Variants in CACNA1E observed in about 807,000 individuals in gnomAD.
CACNA1E encodes the protein voltage-dependent R-type calcium channel subunit alpha-1E.
CACNA1E carries 40 observed loss-of-function variants against 259.2 expected under a neutral mutation model. The ratio of observed to expected loss-of-function variants is 0.15; its 90% CI spans 0.12 to 0.20. The LOEUF is 0.20. Among genes scored for constraint, CACNA1E ranks in the 10% least tolerant of loss-of-function variants. CACNA1E has a pLI of 1.00. For synonymous variants in CACNA1E, 1,104 were observed against 1,138.5 expected (o/e 0.97, Z 0.61); for missense variants, 1,874 against 3,040.1 (o/e 0.62, Z 9.02).
chr1:181,326,108 C>T (rs564969360), intron 1 of CACNA1E, among the ~76,000 whole-genome samples: 19 of 152,322 alleles, frequency 1.2e-4, no homozygotes, highest in South Asian at 6.2e-4. Flanking sequence ...GCCTCATTTC[C>T]GATTTTTTCA....
At chr1:181,772,889 G>A (rs998736503) in intron 37 of CACNA1E, among the ~76,000 whole-genome samples, 1 of 152,110 alleles carries the variant, frequency 6.6e-6, no homozygotes, top group Non-Finnish European at 1.5e-5. Context: ...GAAGCCCTAC[G>A]TGCCTCTGAA....
At chr1:181,534,623 C>G (rs1347341459) in intron 3 of CACNA1E, among the ~76,000 whole-genome samples, 1 of 151,588 alleles carries the variant, frequency 6.6e-6, no homozygotes, top group African/African-American at 2.4e-5. Flanking sequence ...TCCATGTAAC[C>G]AAAACTACCT....
In CACNA1E at chr1:181,793,857, AATATCTG is replaced by A. The variant is rs145373133; in HGVS notation, c.6027+69_6027+75del. 1.6e-3 allele frequency: 2,389 copies of A among 1,528,618 alleles called. 42 individuals carry two copies. The East Asian group carries it at 0.034, about 22-fold the overall frequency. 94.7% of individuals were successfully genotyped at this position (1,528,618 alleles called of 1,614,324 possible). The stretch of plus-strand genomic sequence containing the variant: ...GGCTGTATTAGCTGGGTTATGGAAT[AATATCTG>A]ATATTTGCAGGTGAGCCGTTGACTT... On this transcript the variant is annotated intron_variant, in intron 45 of 47. Coordinates refer to ENST00000367573, the MANE Select transcript of CACNA1E (RefSeq NM_001205293.3).
At chr1:181,593,243 A>T (rs1225918550) in intron 6 of CACNA1E, among the ~76,000 whole-genome samples, 1 of 152,172 alleles carries the variant, frequency 6.6e-6, no homozygotes, top group Non-Finnish European at 1.5e-5. Flanking sequence ...CTAAGTTAGC[A>T]GTTTTTTTGT....
intron 6 of CACNA1E, among the ~76,000 whole-genome samples, chr1:181,632,669 G>T (rs1656856286): frequency 6.6e-6 from 1 of 152,106 alleles, no homozygotes; most frequent in Non-Finnish European, 1.5e-5. Flanking sequence ...GTTCCTTATT[G>T]CTGAGCCTCT....
intron 3 of CACNA1E, among the ~76,000 whole-genome samples, chr1:181,570,534 A>G (rs1393385429): frequency 5.3e-5 from 8 of 152,210 alleles, no homozygotes; most frequent in Non-Finnish European, 1.2e-4. Flanking sequence ...TCTGGAAGTC[A>G]GAAGTCTAAA....
intron 6 of CACNA1E, 88 bp downstream of exon 6, chr1:181,580,864 A>T (rs1572272817): frequency 8.5e-7 from 1 of 1,171,778 alleles, no homozygotes; most frequent in East Asian, 2.4e-5. Context: ...TAGTCCGGGG[A>T]CAGGGAGGGC....
intron 7 of CACNA1E, among the ~76,000 whole-genome samples, chr1:181,659,798 G>A (rs778703774): frequency 5.3e-5 from 8 of 152,162 alleles, no homozygotes; most frequent in Non-Finnish European, 1.0e-4. Flanking sequence ...AATGAGAAGA[G>A]GGAGGTTTAG....
chr1:181,391,571 C>G (rs1214522874), intron 1 of CACNA1E, among the ~76,000 whole-genome samples: 1 of 152,096 alleles, frequency 6.6e-6, no homozygotes, highest in Non-Finnish European at 1.5e-5. Context: ...AAGGAGACAC[C>G]ACCATGGCCA....
intron 6 of CACNA1E, among the ~76,000 whole-genome samples, chr1:181,633,653 G>A (rs1010700917): frequency 4.6e-5 from 7 of 151,970 alleles, no homozygotes; most frequent in South Asian, 2.1e-4. Context: ...CACCACGCCC[G>A]GCTCAGTTTT....
chr1:181,553,442 C>A (rs1258551598), intron 3 of CACNA1E, among the ~76,000 whole-genome samples: 1 of 152,158 alleles, frequency 6.6e-6, no homozygotes, highest in Non-Finnish European at 1.5e-5. Context: ...ATTATGTCAT[C>A]TGCAAACAGA....
At chr1:181,742,726 C>G (rs1228839985) in intron 25 of CACNA1E, among the ~76,000 whole-genome samples, 1 of 152,188 alleles carries the variant, frequency 6.6e-6, no homozygotes, top group Non-Finnish European at 1.5e-5. Flanking sequence ...GCTGTGGTGT[C>G]CCCTGAGCCC....
chr1:181,481,831 ATT>A (rs112307667), upstream of CACNA1E, among the ~76,000 whole-genome samples: 28 of 140,928 alleles, frequency 2.0e-4, no homozygotes, highest in Middle Eastern at 3.6e-3. Flanking sequence ...TACCAATTCT[ATT>A]TTTTTTTTTT....
intron 44 of CACNA1E, among the ~76,000 whole-genome samples, chr1:181,793,427 A>G (rs1427727391): frequency 1.3e-5 from 2 of 152,180 alleles, no homozygotes; most frequent in African/African-American, 4.8e-5. Flanking sequence ...AAAAAGAGGA[A>G]TCTACACCAG....
chr1:181,421,602 T>C (rs1159283070), intron 2 of CACNA1E, among the ~76,000 whole-genome samples: 1 of 152,264 alleles, frequency 6.6e-6, no homozygotes, highest in Non-Finnish European at 1.5e-5. Flanking sequence ...CTTCTGATCC[T>C]GTCTGGCCCC....
intron 2 of CACNA1E, among the ~76,000 whole-genome samples, chr1:181,448,844 C>G (rs1660964631): frequency 1.3e-5 from 2 of 152,258 alleles, no homozygotes; most frequent in African/African-American, 4.8e-5. Context: ...CTCCTCTGTC[C>G]TGCTCATCTC....
chr1:181,425,201 T>G (rs1659074669), intron 2 of CACNA1E, among the ~76,000 whole-genome samples: 1 of 152,252 alleles, frequency 6.6e-6, no homozygotes, highest in South Asian at 2.1e-4. Flanking sequence ...TGGGGCAGCC[T>G]GGTGGTCAGC....
At chr1:181,649,371 T>C (rs1658552954) in intron 6 of CACNA1E, among the ~76,000 whole-genome samples, 1 of 150,852 alleles carries the variant, frequency 6.6e-6, no homozygotes, top group Admixed American at 6.6e-5. Flanking sequence ...CTCTGAATAG[T>C]GTAGGGGCAA....
At chr1:181,462,633 G>A (rs1175201313) in intron 2 of CACNA1E, among the ~76,000 whole-genome samples, 2 of 152,004 alleles carry the variant, frequency 1.3e-5, no homozygotes, top group South Asian at 2.1e-4. Flanking sequence ...TCCTTGCTCC[G>A]GAAGTCATCA....
Sources: gnomAD v4.1 joint callset for allele counts (sites outside exome capture counted in the v4.1 genomes callset) on GRCh38, gnomAD v4.1.1 for gene constraint, MANE v1.5 for transcripts, NCBI Gene and HGNC (gene_info 2026-07-23, HGNC 2026-07-21) for gene names.